Variants in RARB observed in about 807,000 individuals in gnomAD.
The protein encoded by RARB is retinoic acid receptor beta.
RARB carries 17 observed loss-of-function variants against 51.9 expected under a neutral mutation model. The observed-to-expected ratio is 0.33, with a 90% CI of 0.22 to 0.49. The LOEUF (loss-of-function observed/expected upper bound fraction) is 0.49, where lower values mean the gene tolerates loss of function less well. RARB is among the 20% of genes least tolerant of loss of function. The pLI, the probability that RARB is intolerant of heterozygous loss-of-function variation, is 0.99. For synonymous variants in RARB, 215 were observed against 195.4 expected, an observed-to-expected ratio of 1.10 and a Z score of -0.84; for missense variants, 369 against 550.8, an observed-to-expected ratio of 0.67 and a Z score of 3.30.
At chr3:25,036,036 T>C (rs926713754) in intron 2 of RARB, among the ~76,000 whole-genome samples, 1 of 152,190 alleles carries the variant, frequency 6.6e-6, no homozygotes, top group African/African-American at 2.4e-5. Flanking sequence ...AAATTTCATG[T>C]AGTTTAACCC....
chr3:25,032,123 C>G (rs568513660), intron 2 of RARB, among the ~76,000 whole-genome samples: 12 of 152,254 alleles, frequency 7.9e-5, no homozygotes, highest in Non-Finnish European at 1.8e-4. Flanking sequence ...ATTAATAGGT[C>G]CATAATTCAT....
At chr3:25,300,396 G>A (rs1174189649) in intron 5 of RARB, among the ~76,000 whole-genome samples, 4 of 152,192 alleles carry the variant, frequency 2.6e-5, no homozygotes, top group Non-Finnish European at 5.9e-5. Context: ...ACCATTAATA[G>A]AGACAATCTA....
intron 3 of RARB, among the ~76,000 whole-genome samples, chr3:25,072,053 C>G (rs1698777051): frequency 1.3e-5 from 2 of 152,154 alleles, no homozygotes; most frequent in Non-Finnish European, 2.9e-5. Context: ...TGTGGCGGTT[C>G]TTATCTTGAA....
At chr3:24,908,626 A>G (rs1250007798) in intron 2 of RARB, among the ~76,000 whole-genome samples, 1 of 147,168 alleles carries the variant, frequency 6.8e-6, no homozygotes, top group Non-Finnish European at 1.5e-5. Context: ...AAGGCTTTCT[A>G]GCTCTAAAAT....
intron 4 of RARB, among the ~76,000 whole-genome samples, chr3:25,134,401 C>A (rs1049996611): frequency 1.3e-5 from 2 of 151,932 alleles, no homozygotes; most frequent in South Asian, 2.1e-4. Context: ...AGCTGAATCA[C>A]CTGAGTTAGT....
At chr3:25,437,021 A>G (rs1330998588) in intron 1 of RARB, among the ~76,000 whole-genome samples, 6 of 151,844 alleles carry the variant, frequency 4.0e-5, no homozygotes, top group Admixed American at 3.9e-4. Flanking sequence ...TTAAGATTCT[A>G]TTCTTGTCTT....
At chr3:25,290,089 T>C (rs1486322688) in intron 5 of RARB, among the ~76,000 whole-genome samples, 3 of 152,198 alleles carry the variant, frequency 2.0e-5, no homozygotes, top group Non-Finnish European at 4.4e-5. Flanking sequence ...TTCTTTAGGC[T>C]AATGAAGCAT....
At position 24,985,349 on chromosome 3, in the gene RARB, G is replaced by GTTT. The variant is rs10715822; in HGVS notation, c.-379-74763_-379-74761dup. ...ATGGCATTTGCCTCATGGTTTTTTTGTTTTTTTTTTTTTTTGACAAGAACA... is the reference window on the plus strand; with the variant it reads ...ATGGCATTTGCCTCATGGTTTTTTTGTTTTTTTTTTTTTTTTTTGACAAGAACA... On this transcript the variant is annotated intron_variant, in intron 2 of 11. Transcript: ENST00000383772. Among the ~76,000 whole-genome samples, 232 of 131,270 alleles carry GTTT rather than the reference G, an allele frequency of 1.8e-3. 3 individuals carry two copies. The highest frequency in any genetic ancestry group is 6.1e-3 in the African/African-American group (222 of 36,164). 86.1% of individuals were successfully genotyped at this position (131,270 alleles called of 152,430 possible). A position where few individuals can be genotyped will look rare whatever the true frequency, so the allele number is the denominator to read the frequency against.
At chr3:24,939,789 T>C (rs999055327) in intron 2 of RARB, among the ~76,000 whole-genome samples, 6 of 152,220 alleles carry the variant, frequency 3.9e-5, no homozygotes, top group Admixed American at 2.6e-4. Flanking sequence ...GTTAATTTGT[T>C]AGCACCCTAT....
At chr3:25,460,557 C>T (rs532478340) in intron 1 of RARB, among the ~76,000 whole-genome samples, 2 of 152,030 alleles carry the variant, frequency 1.3e-5, no homozygotes, top group East Asian at 3.9e-4. Context: ...AAGCGATTCT[C>T]CTGCCTCAGC....
In RARB at chr3:25,293,597, T is replaced by TAAAAAAAAAAAAAAAAAAAAAAAAAA. The variant is rs10713675; in HGVS notation, c.178+119043_178+119044insAAAAAAAAAAAAAAAAAAAAAAAAAA. Among the ~76,000 whole-genome samples, 25 of 68,640 alleles carry TAAAAAAAAAAAAAAAAAAAAAAAAAA rather than the reference T, an allele frequency of 3.6e-4. 2 individuals carry two copies. Among genetic ancestry groups the TAAAAAAAAAAAAAAAAAAAAAAAAAA allele is most frequent in the South Asian group, 6.8e-4 (1 of 1,462 alleles). 45.0% of individuals were successfully genotyped at this position (68,640 alleles called of 152,430 possible). The stretch of plus-strand genomic sequence containing the variant: ...TTCCCGAGGCTAGAGTTACTCCATT[T>TAAAAAAAAAAAAAAAAAAAAAAAAAA]AAAAAAAAAAAAAAAAAAAAAGTTC... On this transcript the variant is annotated intron_variant, in intron 5 of 11. Coordinates refer to the RARB transcript ENST00000383772.
chr3:25,334,370 TC>T (rs1704997678), intron 5 of RARB, among the ~76,000 whole-genome samples: 1 of 152,196 alleles, frequency 6.6e-6, no homozygotes, highest in South Asian at 2.1e-4. Flanking sequence ...TGAGTTCATG[TC>T]CTTTTTAGGG....
intron 3 of RARB, among the ~76,000 whole-genome samples, chr3:25,114,538 C>T (rs1699654851): frequency 6.6e-6 from 1 of 152,130 alleles, no homozygotes; most frequent in South Asian, 2.1e-4. Flanking sequence ...GAAAAACTTC[C>T]CACTTGCCAC....
intron 2 of RARB, among the ~76,000 whole-genome samples, chr3:24,996,197 T>A (rs1697033275): frequency 6.6e-6 from 1 of 152,048 alleles, no homozygotes; most frequent in African/African-American, 2.4e-5. Context: ...ACATTATATG[T>A]GTCCAGAAAC....
rs553568652 is a variant in RARB at position 24,887,189 on chromosome 3, A to T, written c.-380+28437A>T. 1.5e-3 allele frequency among the ~76,000 whole-genome samples: 224 copies of T among 152,344 alleles called. 2 individuals are homozygous for T. Among genetic ancestry groups the T allele is most frequent in the South Asian group, 3.7e-3 (18 of 4,832 alleles). ...TAAAGTCACATTTCTTCTGTTAACT[A>T]GTATGCAGGAGGAAAGATGATGTAT... On this transcript the variant is annotated intron_variant, in intron 2 of 11. Transcript: ENST00000383772.
intron 5 of RARB, among the ~76,000 whole-genome samples, chr3:25,394,021 C>A (rs1487469952): frequency 6.6e-6 from 1 of 151,888 alleles, no homozygotes; most frequent in Non-Finnish European, 1.5e-5. Context: ...TATTTGTGTT[C>A]TTTTTGATGA....
chr3:25,322,475 A>G (rs1351116475), intron 5 of RARB, among the ~76,000 whole-genome samples: 1 of 152,214 alleles, frequency 6.6e-6, no homozygotes, highest in East Asian at 1.9e-4. Flanking sequence ...AAGTACATTC[A>G]TTTATATATC....
At chr3:25,297,019 C>A (rs978685890) in intron 5 of RARB, among the ~76,000 whole-genome samples, 2 of 152,080 alleles carry the variant, frequency 1.3e-5, no homozygotes, top group African/African-American at 4.8e-5. Flanking sequence ...TAGATAGTGT[C>A]TGTGAAAGAG....
chr3:25,099,554 A>T (rs1699360008), intron 3 of RARB, among the ~76,000 whole-genome samples: 1 of 151,382 alleles, frequency 6.6e-6, no homozygotes, highest in Non-Finnish European at 1.5e-5. Flanking sequence ...TTATTATACT[A>T]TTAACATTGT....
Sources: allele counts gnomAD v4.1 joint callset (sites outside exome capture counted in the v4.1 genomes callset), GRCh38; gene constraint gnomAD v4.1.1; transcripts MANE v1.5; gene names NCBI Gene and HGNC (gene_info 2026-07-23, HGNC 2026-07-21).